RAB23: variants seen among roughly 807,000 people sequenced by gnomAD.
The protein encoded by RAB23 is ras-related protein Rab-23.
A neutral mutation model predicts 30.0 loss-of-function variants in RAB23; 15 were observed. The observed-to-expected ratio is 0.50, with a 90% CI of 0.33 to 0.77. RAB23 has a LOEUF of 0.77. Among genes scored for constraint, RAB23 ranks in the 30% least tolerant of loss-of-function variants. The pLI is 0.02. For synonymous variants in RAB23, 93 were observed against 94.0 expected (o/e 0.99, Z 0.06); for missense variants, 243 against 275.4 (o/e 0.88, Z 0.83).
chr6:57,218,609 T>C (rs1188792816), intron 1 of RAB23, among the ~76,000 whole-genome samples: 1 of 152,182 alleles, frequency 6.6e-6, no homozygotes, highest in African/African-American at 2.4e-5. Context: ...CCTAGCACTT[T>C]GGGAGGCCAA....
In RAB23 at chr6:57,189,887, C is replaced by T. The variant is rs1346882157; in HGVS notation, c.*574G>A. 3 of 157,278 alleles carry T rather than the reference C, an allele frequency of 1.9e-5. No individual in the cohort carries two copies. Among genetic ancestry groups the T allele is most frequent in the Admixed American group, 1.8e-4 (3 of 16,288 alleles). 9.7% of individuals were successfully genotyped at this position (157,278 alleles called of 1,614,324 possible). ...AGAATGTACATTTTCTTAAATACTGCACATACCTTCAGCTTACTCCAGTAC... is the reference window on the plus strand; with the variant it reads ...AGAATGTACATTTTCTTAAATACTGTACATACCTTCAGCTTACTCCAGTAC... On this transcript the variant is annotated 3_prime_UTR_variant, in exon 7 of 7. Coordinates refer to ENST00000468148, the MANE Select transcript of RAB23 (RefSeq NM_016277.5).
intron 1 of RAB23, among the ~76,000 whole-genome samples, chr6:57,221,137 G>A (rs913697082): frequency 1.3e-5 from 2 of 152,118 alleles, no homozygotes; most frequent in African/African-American, 4.8e-5. Flanking sequence ...TCAAAAGGTT[G>A]TTTTCTCATA....
At position 57,196,558 on chromosome 6, in the gene RAB23, A is replaced by T. The variant is rs776209230; in HGVS notation, c.290T>A (p.Phe97Tyr). 6 of 1,614,030 alleles carry T rather than the reference A, an allele frequency of 3.7e-6. No homozygotes were observed. The highest frequency in any genetic ancestry group is 4.2e-6 in the Non-Finnish European group (5 of 1,179,952). Residue 97 changes from phenylalanine (F) to tyrosine (Y), a missense_variant, in exon 4 of 7, where the codon TTT becomes TAT. Coordinates refer to ENST00000468148, the MANE Select transcript of RAB23 (RefSeq NM_016277.5). ...CTCTCTCCAACTGGAAACTGCTTCA[A>T]AAGATTCCCTATCTGTGGTAGAGAA... ...LVFSTTDRES[F>Y]EAVSSWREKV...
chr6:57,216,972 T>C (rs967615181), intron 1 of RAB23, among the ~76,000 whole-genome samples: 1 of 152,226 alleles, frequency 6.6e-6, no homozygotes, highest in Non-Finnish European at 1.5e-5. Context: ...GCTTCTTTAC[T>C]GCATCCTGTT....
At chr6:57,191,900 G>A (rs1051081877) in intron 6 of RAB23, among the ~76,000 whole-genome samples, 1 of 152,162 alleles carries the variant, frequency 6.6e-6, no homozygotes. Flanking sequence ...AGGCTGGAGT[G>A]CAGTGGTGCA....
At chr6:57,202,216 T>C (rs1765294195) in intron 3 of RAB23, among the ~76,000 whole-genome samples, 2 of 152,168 alleles carry the variant, frequency 1.3e-5, no homozygotes, top group Admixed American at 1.3e-4. Context: ...TCTTCTTACT[T>C]TTATTTCTAT....
chr6:57,194,298 AGTTGC>A (rs1161914521), intron 5 of RAB23, among the ~76,000 whole-genome samples: 2 of 152,094 alleles, frequency 1.3e-5, no homozygotes, highest in Non-Finnish European at 2.9e-5. Flanking sequence ...GAGAATATCT[AGTTGC>A]AATCTAAATA....
rs1030893667 is a variant in RAB23 at position 57,187,782 on chromosome 6, A to G, written c.*2679T>C. 2 of 152,074 alleles carry G rather than the reference A, an allele frequency of 1.3e-5. No homozygotes were observed. Among genetic ancestry groups the G allele is most frequent in the Admixed American group, 1.3e-4 (2 of 15,270 alleles). 9.4% of individuals were successfully genotyped at this position (152,074 alleles called of 1,614,324 possible). A position where few individuals can be genotyped will look rare whatever the true frequency, so the allele number is the denominator to read the frequency against. Reference sequence around the variant, plus strand: ...GTTCCTTCTGAGCACTGCACTGCCAACTTCTAAAGCAACCACCTAGAACTT... The same window carrying G: ...GTTCCTTCTGAGCACTGCACTGCCAGCTTCTAAAGCAACCACCTAGAACTT... On this transcript the variant is annotated 3_prime_UTR_variant, in exon 7 of 7. Transcript: ENST00000468148.
chr6:57,216,042 T>C (rs1307662262), intron 1 of RAB23, among the ~76,000 whole-genome samples: 28 of 152,242 alleles, frequency 1.8e-4, no homozygotes, highest in Non-Finnish European at 1.5e-5. Context: ...AAAATTACAA[T>C]GCCATATGTT....
chr6:57,217,228 AC>A (rs1765880703), intron 1 of RAB23, among the ~76,000 whole-genome samples: 1 of 151,706 alleles, frequency 6.6e-6, no homozygotes. Context: ...AAAAAAAAAA[AC>A]AAAATTAACT....
intron 1 of RAB23, among the ~76,000 whole-genome samples, chr6:57,215,507 G>C (rs1333153459): frequency 1.3e-5 from 2 of 152,140 alleles, no homozygotes; most frequent in Non-Finnish European, 2.9e-5. Flanking sequence ...TTTGAGTGTT[G>C]AAAGAAAAGA....
At position 57,187,205 on chromosome 6, in the gene RAB23, T is replaced by G. The variant is rs2127994435; in HGVS notation, c.*3256A>C. The G allele has an allele frequency of 6.6e-6, 1 of 152,300 alleles. No individual in the cohort carries two copies. Among genetic ancestry groups the G allele is most frequent in the South Asian group, 2.1e-4 (1 of 4,826 alleles). 9.4% of individuals were successfully genotyped at this position (152,300 alleles called of 1,614,324 possible). ...TCCTTTTATCCCCAATTTTTTGCTTTTAAAAGACCATTTACTAACATCCTA... is the reference window on the plus strand; with the variant it reads ...TCCTTTTATCCCCAATTTTTTGCTTGTAAAAGACCATTTACTAACATCCTA... On this transcript the variant is annotated 3_prime_UTR_variant, in exon 7 of 7. Coordinates refer to ENST00000468148, the MANE Select transcript of RAB23 (RefSeq NM_016277.5).
chr6:57,199,714 G>T (rs186981717), intron 3 of RAB23, among the ~76,000 whole-genome samples: 2 of 152,062 alleles, frequency 1.3e-5, no homozygotes, highest in African/African-American at 4.8e-5. Context: ...AAAGCAGGAC[G>T]GTTCACCTGA....
At chr6:57,190,660 C>G (rs1266811896) in intron 6 of RAB23, 60 bp from the exon 7 acceptor site, 1 of 1,562,578 alleles carries the variant, frequency 6.4e-7, no homozygotes, top group African/African-American at 1.4e-5. Flanking sequence ...CCTGTTGCAT[C>G]CAGCTTGTTA....
chr6:57,213,216 G>A (rs1046854361), intron 1 of RAB23, among the ~76,000 whole-genome samples: 1 of 152,190 alleles, frequency 6.6e-6, no homozygotes. Context: ...ACAGGAGGCG[G>A]AGCTCAGGCG....
intron 1 of RAB23, among the ~76,000 whole-genome samples, chr6:57,219,739 CG>C (rs1263115884): frequency 6.6e-6 from 1 of 152,116 alleles, no homozygotes; most frequent in Non-Finnish European, 1.5e-5. Flanking sequence ...CAAATAGTGA[CG>C]GAACAACTGG....
intron 5 of RAB23, among the ~76,000 whole-genome samples, 172 bp downstream of exon 5, chr6:57,194,598 A>G (rs1764951747): frequency 6.6e-6 from 1 of 152,130 alleles, no homozygotes; most frequent in South Asian, 2.1e-4. Context: ...CAAGGGCATT[A>G]GTAAATAATT....
chr6:57,196,149 G>C (rs1302428239), intron 4 of RAB23, among the ~76,000 whole-genome samples: 1 of 152,062 alleles, frequency 6.6e-6, no homozygotes, highest in Non-Finnish European at 1.5e-5. Flanking sequence ...ACCATATTAA[G>C]GTTTGACTTA....
intron 1 of RAB23, among the ~76,000 whole-genome samples, chr6:57,213,299 C>T (rs1056423485): frequency 6.6e-6 from 1 of 152,148 alleles, no homozygotes; most frequent in South Asian, 2.1e-4. Flanking sequence ...TACCAGTCCA[C>T]GGCCTGGGAG....
Sources: gnomAD v4.1 joint callset for allele counts (sites outside exome capture counted in the v4.1 genomes callset) on GRCh38, gnomAD v4.1.1 for gene constraint, MANE v1.5 for transcripts, NCBI Gene and HGNC (gene_info 2026-07-23, HGNC 2026-07-21) for gene names.